The following MIPOL1 variants were observed in gnomAD, a reference collection of about 807,000 sequenced individuals.
MIPOL1 encodes mirror-image polydactyly gene 1 protein.
Under a neutral mutation model 60.9 loss-of-function variants are expected in MIPOL1, and 57 were observed. The observed-to-expected ratio is 0.94, with a 90% CI of 0.76 to 1.17. The LOEUF is 1.17. MIPOL1 is among the 50% of genes most tolerant of loss of function. The probability of loss-of-function intolerance (pLI) is 0.00; values close to 1 mark genes in which losing one functional copy is unlikely to be tolerated. For missense variants in MIPOL1, 551 were observed against 511.6 expected (o/e 1.08, Z -0.74); for synonymous variants, 179 against 168.8 (o/e 1.06, Z -0.47).
intron 10 of MIPOL1, among the ~76,000 whole-genome samples, chr14:37,371,332 C>G (rs993121170): frequency 6.6e-6 from 1 of 151,980 alleles, no homozygotes; most frequent in East Asian, 1.9e-4. Context: ...GTTGGCCAGG[C>G]TGGAAATAGA....
chr14:37,235,652 T>G (rs1971344686), intron 1 of MIPOL1, among the ~76,000 whole-genome samples: 1 of 152,102 alleles, frequency 6.6e-6, no homozygotes, highest in African/African-American at 2.4e-5. Flanking sequence ...TTAAGTAGAT[T>G]CACAATGTTG....
At chr14:37,498,280 T>G (rs1374381416) in intron 11 of MIPOL1, among the ~76,000 whole-genome samples, 1 of 152,206 alleles carries the variant, frequency 6.6e-6, no homozygotes, top group African/African-American at 2.4e-5. Flanking sequence ...TCAAGCTGAA[T>G]ACTTTGTATA....
At chr14:37,546,465 T>G (rs1318418713) in intron 12 of MIPOL1, among the ~76,000 whole-genome samples, 1 of 152,204 alleles carries the variant, frequency 6.6e-6, no homozygotes, top group Non-Finnish European at 1.5e-5. Flanking sequence ...AGTTACACAG[T>G]ATACCAACCA....
Position 37,247,849 on chromosome 14 carries a change from A to C in MIPOL1, c.-40A>C, listed in dbSNP as rs1414238701. On this transcript the variant is annotated 5_prime_UTR_variant, in exon 3 of 13. Transcript: ENST00000684589. ...TTTAGCTGCAAATCTTGGAGCAAAA[A>C]CCAGAGACATTGCCAGAGCAAACAA... 1 of 1,611,320 alleles carries C rather than the reference A, an allele frequency of 6.2e-7. No homozygotes were observed. Among genetic ancestry groups the C allele is most frequent in the Non-Finnish European group, 8.5e-7 (1 of 1,178,622 alleles).
At chr14:37,362,965 A>C (rs967824134) in intron 9 of MIPOL1, among the ~76,000 whole-genome samples, 3 of 152,126 alleles carry the variant, frequency 2.0e-5, no homozygotes, top group Admixed American at 6.6e-5. Context: ...CTGTCAGGTC[A>C]TTTAAGGTCT....
At chr14:37,207,205 A>C (rs1966228252) in intron 1 of MIPOL1, among the ~76,000 whole-genome samples, 1 of 152,156 alleles carries the variant, frequency 6.6e-6, no homozygotes, top group African/African-American at 2.4e-5. Context: ...TCATGGGGGC[A>C]GTTCCCCCAT....
chr14:37,461,658 T>C (rs1186930591), intron 11 of MIPOL1, among the ~76,000 whole-genome samples: 1 of 152,108 alleles, frequency 6.6e-6, no homozygotes, highest in Non-Finnish European at 1.5e-5. Flanking sequence ...GTTCAGGCAT[T>C]GGGTAAATAC....
At chr14:37,451,622 TG>T (rs894466726) in intron 11 of MIPOL1, among the ~76,000 whole-genome samples, 4 of 151,552 alleles carry the variant, frequency 2.6e-5, no homozygotes, top group Non-Finnish European at 4.4e-5. Flanking sequence ...GATTGTTTAA[TG>T]AAGAAATACA....
chr14:37,443,727 A>C (rs1401173646), intron 11 of MIPOL1, among the ~76,000 whole-genome samples: 2 of 151,014 alleles, frequency 1.3e-5, no homozygotes, highest in African/African-American at 2.4e-5. Flanking sequence ...ACTCAGGCCA[A>C]AGTCCTTCAT....
At chr14:37,545,257 T>C (rs1392543920) in intron 12 of MIPOL1, among the ~76,000 whole-genome samples, 1 of 152,220 alleles carries the variant, frequency 6.6e-6, no homozygotes, top group Non-Finnish European at 1.5e-5. Flanking sequence ...AAACTTAAAA[T>C]TTCATAGTGT....
chr14:37,425,970 G>C (rs922871465), intron 11 of MIPOL1, among the ~76,000 whole-genome samples: 1 of 152,162 alleles, frequency 6.6e-6, no homozygotes, highest in Non-Finnish European at 1.5e-5. Context: ...TTGGACAATA[G>C]AGCAGTCCTT....
chr14:37,354,156 C>T (rs1285363684), intron 9 of MIPOL1, among the ~76,000 whole-genome samples: 39 of 151,826 alleles, frequency 2.6e-4, no homozygotes, highest in South Asian at 2.3e-3. Flanking sequence ...GCCTTCATTT[C>T]GTTATCTACC....
intron 9 of MIPOL1, among the ~76,000 whole-genome samples, chr14:37,353,925 T>C (rs915573014): frequency 2.6e-5 from 4 of 152,180 alleles, no homozygotes; most frequent in African/African-American, 9.7e-5. Flanking sequence ...GCTCTGATTT[T>C]AGTTATTTCT....
At chr14:37,288,235 A>AAGC (rs1823178788) in intron 7 of MIPOL1, among the ~76,000 whole-genome samples, 1 of 151,670 alleles carries the variant, frequency 6.6e-6, no homozygotes, top group Non-Finnish European at 1.5e-5. Flanking sequence ...TTGAACTCCT[A>AAGC]AGCTCAAGCA....
At chr14:37,403,877 C>G (rs1162881379) in intron 10 of MIPOL1, among the ~76,000 whole-genome samples, 1 of 152,088 alleles carries the variant, frequency 6.6e-6, no homozygotes, top group African/African-American at 2.4e-5. Context: ...AGCTCTAATC[C>G]TTGTTTTCAG....
At chr14:37,331,553 G>GT (rs71127208) in intron 9 of MIPOL1, among the ~76,000 whole-genome samples, 32,756 of 141,636 alleles carry the variant, frequency 0.23, 3,990 homozygotes, top group South Asian at 0.36. Context: ...TTACATTCTT[G>GT]TTTTTTTTTT....
intron 1 of MIPOL1, chr14:37,212,379 T>C (rs1162443531): frequency 6.6e-6 from 1 of 152,050 alleles, no homozygotes; most frequent in East Asian, 1.9e-4. Context: ...CCAGAAAGCA[T>C]TCATGACAAG....
chr14:37,523,883 G>C (rs1332461333), intron 12 of MIPOL1, among the ~76,000 whole-genome samples: 2 of 152,176 alleles, frequency 1.3e-5, no homozygotes, highest in East Asian at 3.9e-4. Context: ...TAAGGGAAGA[G>C]GTGTTTCTCT....
chr14:37,409,100 A>C (rs2093639101), intron 10 of MIPOL1, among the ~76,000 whole-genome samples: 1 of 152,162 alleles, frequency 6.6e-6, no homozygotes, highest in Non-Finnish European at 1.5e-5. Context: ...TGGCTCCCTC[A>C]TGGAACAGAC....
Sources: gnomAD v4.1 joint callset for allele counts (sites outside exome capture counted in the v4.1 genomes callset) on GRCh38, gnomAD v4.1.1 for gene constraint, MANE v1.5 for transcripts, NCBI Gene and HGNC (gene_info 2026-07-23, HGNC 2026-07-21) for gene names.